The following STK32B variants were observed in gnomAD, a reference collection of about 807,000 sequenced individuals.
STK32B encodes the protein serine/threonine kinase 32B.
In STK32B, 43 loss-of-function variants were observed where a neutral mutation model predicts 52.6. That is an observed-to-expected ratio of 0.82 (90% CI 0.64 to 1.05). STK32B has a LOEUF of 1.05. Ranked by LOEUF, STK32B falls within the 50% of genes least tolerant of loss-of-function variation. STK32B has a pLI of 0.00. For missense variants in STK32B, 621 were observed against 534.6 expected (o/e 1.16, Z -1.59); for synonymous variants, 238 against 204.3 (o/e 1.17, Z -1.41).
intron 8 of STK32B, 115 bp downstream of exon 8, chr4:5,457,038 C>T: frequency 1.4e-6 from 1 of 729,460 alleles, no homozygotes; most frequent in Admixed American, 3.4e-5. Flanking sequence ...TAGAGATGAT[C>T]AAATCAGCTG....
At chr4:5,496,284 G>A (rs182874667) in intron 11 of STK32B, among the ~76,000 whole-genome samples, 151 of 152,320 alleles carry the variant, frequency 9.9e-4, no homozygotes, top group African/African-American at 3.1e-3. Context: ...GGGCAATGGC[G>A]GGCGCCCCTC....
At chr4:5,493,237 A>G (rs1719905422) in intron 11 of STK32B, among the ~76,000 whole-genome samples, 1 of 152,090 alleles carries the variant, frequency 6.6e-6, no homozygotes, top group Non-Finnish European at 1.5e-5. Flanking sequence ...TAAGCTATTG[A>G]TTATTGCCAC....
At chr4:5,133,553 G>T in intron 1 of STK32B, among the ~76,000 whole-genome samples, 1 of 152,206 alleles carries the variant, frequency 6.6e-6, no homozygotes, top group Non-Finnish European at 1.5e-5. Flanking sequence ...CAATGAACAA[G>T]ACTGTGGCTC....
intron 2 of STK32B, among the ~76,000 whole-genome samples, chr4:5,142,229 T>C (rs1716527560): frequency 6.6e-6 from 1 of 152,204 alleles, no homozygotes; most frequent in Non-Finnish European, 1.5e-5. Context: ...GGGTAGATGG[T>C]TGTATGGACC....
At position 5,398,756 on chromosome 4, in the gene STK32B, TA is replaced by T. The variant is rs1302163068; in HGVS notation, c.472+513del. On this transcript the variant is annotated intron_variant, in intron 5 of 11. Transcript: ENST00000282908. This position sits in a 1 kb window ranked among gnomAD's most constrained non-coding sequence, Gnocchi z 4.9. ...ATGTCAGGCTTCTCAAAATTTCCTT[TA>T]TGTGCACACAGATCTCCTAGGCATC... 6.6e-6 allele frequency among the ~76,000 whole-genome samples: 1 copy of T among 152,224 alleles called. No individual in the cohort carries two copies. The highest frequency in any genetic ancestry group is 1.5e-5 in the Non-Finnish European group (1 of 68,044).
chr4:5,200,313 A>G (rs962325126), intron 3 of STK32B, among the ~76,000 whole-genome samples: 6 of 149,890 alleles, frequency 4.0e-5, no homozygotes, highest in African/African-American at 1.5e-4. Context: ...TTGGTCCAAA[A>G]TCTCTATTCT....
rs560192016 is a variant in STK32B, at chr4:5,210,046, C to T, written c.260+41596C>T. Among the ~76,000 whole-genome samples, 3 of 152,278 alleles carry T rather than the reference C, an allele frequency of 2.0e-5. No homozygotes were observed. In the South Asian group the frequency reaches 6.2e-4, roughly 32 times the overall value. On this transcript the variant is annotated intron_variant, in intron 3 of 11. Coordinates refer to ENST00000282908, the MANE Select transcript of STK32B (RefSeq NM_018401.3). ...CAATTCCTGGAAGGCTTAAATTGTG[C>T]GTCATTGAAGCTCTTCCATTGGAAA...
At chr4:5,322,449 C>T (rs1316177801) in intron 3 of STK32B, among the ~76,000 whole-genome samples, 4 of 152,146 alleles carry the variant, frequency 2.6e-5, no homozygotes, top group Non-Finnish European at 5.9e-5. Context: ...AGGAGATGCT[C>T]AGCTCATTGC....
chr4:5,281,890 A>C (rs572574285), intron 3 of STK32B, among the ~76,000 whole-genome samples: 2 of 152,284 alleles, frequency 1.3e-5, no homozygotes, highest in African/African-American at 2.4e-5. Context: ...TACAAATCAC[A>C]GATACATATG....
At chr4:5,020,981 G>A in the STK32B span, among the ~76,000 whole-genome samples, 2 of 152,140 alleles carry the variant, frequency 1.3e-5, no homozygotes, top group Non-Finnish European at 2.9e-5. Flanking sequence ...GAGGAAAGGG[G>A]AGCATCCTGG....
At chr4:5,087,614 A>G (rs1343176807) in intron 1 of STK32B, among the ~76,000 whole-genome samples, 1 of 152,006 alleles carries the variant, frequency 6.6e-6, no homozygotes, top group South Asian at 2.1e-4. Context: ...AAGATATTCC[A>G]TGCAATAATA....
chr4:5,206,798 G>A (rs1182107067), intron 3 of STK32B, among the ~76,000 whole-genome samples: 2 of 152,146 alleles, frequency 1.3e-5, no homozygotes, highest in African/African-American at 4.8e-5. Context: ...CCTGCCCCGG[G>A]GTCTGGGAGA....
chr4:5,496,454 C>T (rs1720259474), intron 11 of STK32B, among the ~76,000 whole-genome samples: 2 of 152,020 alleles, frequency 1.3e-5, no homozygotes, highest in Non-Finnish European at 2.9e-5. Context: ...GTGGGAGTGA[C>T]CCGATTTTCC....
intron 1 of STK32B, among the ~76,000 whole-genome samples, chr4:5,127,597 A>C (rs1715484533): frequency 6.8e-6 from 1 of 146,570 alleles, no homozygotes; most frequent in Non-Finnish European, 1.5e-5. Context: ...GTAGTTAAGC[A>C]ACTTGAGATA....
chr4:5,185,421 A>G (rs1720671406), intron 3 of STK32B, among the ~76,000 whole-genome samples: 1 of 152,238 alleles, frequency 6.6e-6, no homozygotes, highest in South Asian at 2.1e-4. Context: ...GTCTAAGCCA[A>G]GAAACAATCA....
At chr4:5,061,729 C>G (rs1283434202) in intron 1 of STK32B, among the ~76,000 whole-genome samples, 1 of 152,200 alleles carries the variant, frequency 6.6e-6, no homozygotes, top group African/African-American at 2.4e-5. Flanking sequence ...ACACTTACTG[C>G]TAGAATGTAG....
At chr4:5,284,727 C>CTT (rs1188407354) in intron 3 of STK32B, among the ~76,000 whole-genome samples, 1 of 152,182 alleles carries the variant, frequency 6.6e-6, no homozygotes, top group East Asian at 1.9e-4. Context: ...GTTGCTTCTG[C>CTT]TTAAAACATC....
At chr4:5,344,481 T>C (rs1272635746) in intron 4 of STK32B, among the ~76,000 whole-genome samples, 1 of 152,164 alleles carries the variant, frequency 6.6e-6, no homozygotes, top group Non-Finnish European at 1.5e-5. Flanking sequence ...ACCCACTCAC[T>C]TCATCAGACT....
At chr4:5,100,448 C>T (rs2108792645) in intron 1 of STK32B, among the ~76,000 whole-genome samples, 1 of 140,142 alleles carries the variant, frequency 7.1e-6, no homozygotes, top group East Asian at 2.2e-4. Context: ...CTCCTTTCTT[C>T]CTTCCTTCCC....
Sources: gnomAD v4.1 joint callset for allele counts (sites outside exome capture counted in the v4.1 genomes callset) on GRCh38, gnomAD v4.1.1 for gene constraint, Gnocchi (gnomAD v3.1) non-coding constraint, MANE v1.5 for transcripts, NCBI Gene and HGNC (gene_info 2026-07-23, HGNC 2026-07-21) for gene names.